Variants in NWD1 observed in about 807,000 individuals in gnomAD.
NWD1 encodes the protein NACHT and WD repeat domain containing 1.
In NWD1, 129 loss-of-function variants were observed where a neutral mutation model predicts 135.1. The observed-to-expected ratio is 0.96, with a 90% CI of 0.83 to 1.11. The LOEUF (loss-of-function observed/expected upper bound fraction) is 1.11. Among genes scored for constraint, NWD1 ranks in the 50% least tolerant of loss-of-function variants. The pLI is 0.00. For missense variants in NWD1, 1,740 were observed against 1,851.3 expected, an observed-to-expected ratio of 0.94 and a Z score of 1.10; for synonymous variants, 773 against 786.0, an observed-to-expected ratio of 0.98 and a Z score of 0.28.
At position 16,808,549 on chromosome 19, in the gene NWD1, AAAAAG is replaced by A. The variant is rs537771096; in HGVS notation, c.4287+434_4287+438del. 8.8e-4 allele frequency among the ~76,000 whole-genome samples: 134 copies of A among 151,968 alleles called. 1 individual carries two copies. The highest frequency in any genetic ancestry group is 4.2e-3 in the Admixed American group (64 of 15,242). On this transcript the variant is annotated intron_variant, in intron 18 of 18. Transcript: ENST00000524140. Reference sequence around the variant, plus strand: ...TGACTACAGACACTCCGTTTAAAAAAAAAAGAAAAGAAAAGAAAAGAAAAGTGAGG... The same window carrying A: ...TGACTACAGACACTCCGTTTAAAAAAAAAAGAAAAGAAAAGAAAAGTGAGG...
chr19:16,745,613 G>A (rs1968279608), intron 5 of NWD1, among the ~76,000 whole-genome samples: 1 of 151,968 alleles, frequency 6.6e-6, no homozygotes, highest in Non-Finnish European at 1.5e-5. Flanking sequence ...GGTAGTGCAT[G>A]CCTGTAGTCC....
At chr19:16,736,790 C>A in intron 4 of NWD1, 40 bp downstream of exon 4, 1 of 1,137,870 alleles carries the variant, frequency 8.8e-7, no homozygotes, top group South Asian at 1.3e-5. Context: ...CTTACTCCTC[C>A]AGGATATGCC....
chr19:16,780,194 C>T (rs1020281052), intron 12 of NWD1, among the ~76,000 whole-genome samples: 2 of 149,552 alleles, frequency 1.3e-5, no homozygotes, highest in African/African-American at 2.5e-5. Flanking sequence ...CTTGCTCTGT[C>T]GCCCAAGCTA....
Position 16,749,561 on chromosome 19 carries a change from G to C in NWD1, c.919G>C (p.Glu307Gln), listed in dbSNP as rs1968473047. Reference protein sequence around the residue: ...EIRHHLWQSSEVIQTFCGRQE... With the variant: ...EIRHHLWQSSQVIQTFCGRQE... ...CCGCCACCACCTTTGGCAGAGCTCG[G>C]AGGTCATTCAGACCTTCTGCGGACG... Residue 307 changes from glutamate (E) to glutamine (Q), a missense_variant, in exon 6 of 19, where the codon GAG becomes CAG. Physicochemically the swap from Glu to Gln is conservative, Grantham distance 29. Coordinates refer to ENST00000524140, the MANE Select transcript of NWD1 (RefSeq NM_001007525.5). 1 of 1,613,468 alleles carries C rather than the reference G, an allele frequency of 6.2e-7. No homozygotes were observed. Among genetic ancestry groups the C allele is most frequent in the Non-Finnish European group, 8.5e-7 (1 of 1,179,496 alleles).
At chr19:16,767,589 G>A (rs1006590877) in intron 10 of NWD1, among the ~76,000 whole-genome samples, 2 of 151,862 alleles carry the variant, frequency 1.3e-5, no homozygotes, top group African/African-American at 4.8e-5. Context: ...ACTCCAGCCT[G>A]GGTGACAGAG....
chr19:16,765,144 C>G lies in NWD1; in HGVS notation c.2362C>G (p.Arg788Gly), dbSNP rs138432345. The change falls in exon 10 of 19, where the codon CGT becomes GGT. Residue 788 changes from arginine to glycine, a missense_variant. Physicochemically the swap from Arg to Gly is moderately radical, Grantham distance 125. Coordinates refer to ENST00000524140, the MANE Select transcript of NWD1 (RefSeq NM_001007525.5). ...GGACTCCCCTGAGGTTGGCCTGGTC[C>G]GTGAAGCCCTCCAGCTCTGCCGCCC... ...HLDSPEVGLVREALQLCRPAV... is the reference protein window; with the variant it reads ...HLDSPEVGLVGEALQLCRPAV... The G allele has an allele frequency of 6.2e-7, 1 of 1,614,100 alleles. No homozygotes were observed. The highest frequency in any genetic ancestry group is 1.3e-5 in the African/African-American group (1 of 75,018).
At chr19:16,740,169 C>T (rs1046439064) in intron 4 of NWD1, among the ~76,000 whole-genome samples, 1 of 150,892 alleles carries the variant, frequency 6.6e-6, no homozygotes, top group African/African-American at 2.4e-5. Flanking sequence ...GGTGGTGGCT[C>T]ATGCTTGTAG....
rs1967953397 is a variant in NWD1 at position 16,738,786 on chromosome 19, T to C, written c.198+2036T>C. Among the ~76,000 whole-genome samples, 3 of 115,296 alleles carry C rather than the reference T, an allele frequency of 2.6e-5. No homozygotes were observed. In the South Asian group the frequency reaches 7.5e-4, roughly 29 times the overall value. The allele number at this position is 115,296 out of a possible 152,430, so 75.6% of individuals were successfully genotyped here. ...ATATAATGATATATAATATATAATA[T>C]ATAATAACATATAACATACTATTAT... On this transcript the variant is annotated intron_variant, in intron 4 of 18. Transcript: ENST00000524140.
At chr19:16,788,429 C>T (rs2040460367) in intron 12 of NWD1, among the ~76,000 whole-genome samples, 1 of 150,860 alleles carries the variant, frequency 6.6e-6, no homozygotes, top group Admixed American at 6.7e-5. Context: ...ATTAGCCAGG[C>T]ATGGCGGCAG....
intron 3 of NWD1, among the ~76,000 whole-genome samples, chr19:16,732,022 G>A (rs1271170230): frequency 1.3e-5 from 2 of 151,762 alleles, no homozygotes; most frequent in African/African-American, 4.8e-5. Context: ...CTCGAGACTA[G>A]CCTAGGCAAC....
At chr19:16,736,405 G>A (rs1375818901) in intron 3 of NWD1, among the ~76,000 whole-genome samples, 1 of 151,944 alleles carries the variant, frequency 6.6e-6, no homozygotes, top group Non-Finnish European at 1.5e-5. Flanking sequence ...TTGACTGGCA[G>A]GGCATCTTGA....
chr19:16,802,676 C>G (rs1319891425), intron 17 of NWD1, among the ~76,000 whole-genome samples: 2 of 151,994 alleles, frequency 1.3e-5, no homozygotes, highest in African/African-American at 2.4e-5. Context: ...TTATGCATTA[C>G]TGTATTAGTC....
chr19:16,748,698 C>T (rs990391320), intron 5 of NWD1, among the ~76,000 whole-genome samples: 4 of 152,062 alleles, frequency 2.6e-5, no homozygotes, highest in Non-Finnish European at 4.4e-5. Flanking sequence ...CTAGTGCATG[C>T]CTGTAATCCC....
intron 2 of NWD1, among the ~76,000 whole-genome samples, chr19:16,725,134 C>T (rs1967278798): frequency 6.6e-6 from 1 of 151,972 alleles, no homozygotes; most frequent in South Asian, 2.1e-4. Flanking sequence ...ATGCCTCAGC[C>T]TCTCGAATAG....
At chr19:16,763,723 G>A (rs770044694) in intron 8 of NWD1, 105 bp from the exon 9 acceptor site, 77 of 747,216 alleles carry the variant, frequency 1.0e-4, no homozygotes, top group Admixed American at 1.5e-4. Context: ...TTGCATTCTC[G>A]TCCACTCCAG....
intron 11 of NWD1, 118 bp downstream of exon 11, chr19:16,773,441 G>T: frequency 2.5e-6 from 2 of 815,524 alleles, no homozygotes; most frequent in Non-Finnish European, 3.8e-6. Context: ...GAGGCCCCAA[G>T]CTTGCCATCA....
intron 7 of NWD1, among the ~76,000 whole-genome samples, chr19:16,761,661 C>A (rs1432828701): frequency 6.6e-6 from 1 of 152,150 alleles, no homozygotes; most frequent in South Asian, 2.1e-4. Flanking sequence ...CTGCACCCAG[C>A]CTGAACACCT....
intron 4 of NWD1, among the ~76,000 whole-genome samples, chr19:16,739,003 G>C (rs1967972019): frequency 9.8e-6 from 1 of 102,334 alleles, no homozygotes; most frequent in Admixed American, 1.0e-4. Flanking sequence ...GGGTAGCTGG[G>C]ATTACAGTTA....
At position 16,762,011 on chromosome 19, in the gene NWD1, T is replaced by C; in HGVS notation, c.2006T>C (p.Leu669Pro). 1 of 1,614,056 alleles carries C rather than the reference T, an allele frequency of 6.2e-7. No homozygotes were observed. Among genetic ancestry groups the C allele is most frequent in the Middle Eastern group, 1.6e-4 (1 of 6,062 alleles). ...QLVEVVRERY[L>P]SGSERAKRHG... ...GTCGAGGTGGTCCGTGAGCGCTACCTGTCAGGATCCGAGAGAGCCAAGAGG... is the reference window on the plus strand; with the variant it reads ...GTCGAGGTGGTCCGTGAGCGCTACCCGTCAGGATCCGAGAGAGCCAAGAGG... The change falls in exon 8 of 19, where the codon CTG (leucine) becomes CCG (proline). Residue 669 changes from leucine (L) to proline (P), a missense_variant. Coordinates refer to ENST00000524140, the MANE Select transcript of NWD1 (RefSeq NM_001007525.5).
Sources: allele counts gnomAD v4.1 joint callset (sites outside exome capture counted in the v4.1 genomes callset), GRCh38; gene constraint gnomAD v4.1.1; transcripts MANE v1.5; gene names NCBI Gene and HGNC (gene_info 2026-07-23, HGNC 2026-07-21).